Variants in ICE1 observed in about 807,000 individuals in gnomAD.
The protein encoded by ICE1 is interactor of little elongation complex ELL subunit 1.
A neutral mutation model predicts 192.7 loss-of-function variants in ICE1; 64 were observed. That is an observed-to-expected ratio of 0.33 (90% confidence interval 0.27 to 0.41). The LOEUF is 0.41. ICE1 is among the 10% of genes least tolerant of loss of function. ICE1 has a pLI of 1.00. For synonymous variants in ICE1, 1,010 were observed against 984.5 expected (o/e 1.03, Z -0.49); for missense variants, 2,708 against 2,696.0 (o/e 1.00, Z -0.10).
At chr5:5,479,309 A>G (rs1739429533) in intron 17 of ICE1, among the ~76,000 whole-genome samples, 1 of 152,250 alleles carries the variant, frequency 6.6e-6, no homozygotes, top group South Asian at 2.1e-4. Context: ...TTCTCAAAAG[A>G]AGACATTTAT....
chr5:5,443,315 G>GT, intron 6 of ICE1, 71 bp downstream of exon 6: 1 of 828,222 alleles, frequency 1.2e-6, no homozygotes, highest in Non-Finnish European at 1.8e-6. Flanking sequence ...TAAGTCGGTA[G>GT]TGTTTTTTTT....
intron 1 of ICE1, among the ~76,000 whole-genome samples, chr5:5,433,884 C>T (rs1457225476): frequency 6.6e-6 from 1 of 151,766 alleles, no homozygotes; most frequent in Non-Finnish European, 1.5e-5. Flanking sequence ...GGAAAGGCAT[C>T]CTAGTAATTT....
intron 5 of ICE1, among the ~76,000 whole-genome samples, chr5:5,442,375 A>G (rs887525380): frequency 3.3e-5 from 5 of 152,194 alleles, no homozygotes; most frequent in Non-Finnish European, 7.3e-5. Context: ...TTAATAGTAC[A>G]TACTTATTTT....
At chr5:5,470,448 A>G (rs1739128605) in intron 15 of ICE1, among the ~76,000 whole-genome samples, 1 of 152,248 alleles carries the variant, frequency 6.6e-6, no homozygotes, top group Admixed American at 6.5e-5. Flanking sequence ...TAGTAAATGT[A>G]TTTGCTAAAT....
At chr5:5,448,212 T>C (rs1554014034) in intron 10 of ICE1, among the ~76,000 whole-genome samples, 1 of 152,208 alleles carries the variant, frequency 6.6e-6, no homozygotes, top group Non-Finnish European at 1.5e-5. Context: ...ATCAAATTAA[T>C]TTATTAAATT....
chr5:5,440,989 A>G (rs1004181215), intron 4 of ICE1, 123 bp from the exon 5 acceptor site: 5 of 619,354 alleles, frequency 8.1e-6, no homozygotes, highest in Non-Finnish European at 1.4e-5. Context: ...AAGTGCATTT[A>G]AAAAGACTTT....
intron 18 of ICE1, among the ~76,000 whole-genome samples, chr5:5,487,734 C>T (rs1277837510): frequency 1.3e-5 from 2 of 152,212 alleles, no homozygotes; most frequent in Non-Finnish European, 2.9e-5. Flanking sequence ...ATGCAGTTTA[C>T]TCTGATACTA....
intron 11 of ICE1, among the ~76,000 whole-genome samples, chr5:5,455,220 A>G (rs1253411186): frequency 6.6e-6 from 1 of 152,214 alleles, no homozygotes; most frequent in Non-Finnish European, 1.5e-5. Flanking sequence ...GGAAACCTCC[A>G]CCTTATTTTC....
At chr5:5,446,095 G>A (rs1428188435) in intron 7 of ICE1, among the ~76,000 whole-genome samples, 2 of 151,998 alleles carry the variant, frequency 1.3e-5, no homozygotes, top group African/African-American at 4.8e-5. Context: ...ATAGCTCATG[G>A]TAACTCTGCC....
chr5:5,463,113 C>G lies in ICE1; in HGVS notation c.3779C>G (p.Ser1260Cys). 1 of 1,613,060 alleles carries G rather than the reference C, an allele frequency of 6.2e-7. No individual in the cohort carries two copies. The highest frequency in any genetic ancestry group is 8.5e-7 in the Non-Finnish European group (1 of 1,179,502). The change falls in exon 13 of 19, where the codon TCT becomes TGT. Residue 1260 changes from serine to cysteine, a missense_variant. Around this residue, in one of 2 missense-constraint regions of ICE1, gnomAD observed 2,366 missense variants for 2,276.6 expected, o/e 1.04. Coordinates refer to ENST00000296564, the MANE Select transcript of ICE1 (RefSeq NM_015325.3). ...ACTCAGTGTTCTTTGGAAACTCTGT[C>G]TGAGGTTCTGACCAAGATTAGGCAA... ...QLTQCSLETL[S>C]EVLTKIRQEL...
intron 17 of ICE1, among the ~76,000 whole-genome samples, chr5:5,479,854 A>G (rs537527332): frequency 6.6e-6 from 1 of 152,158 alleles, no homozygotes; most frequent in East Asian, 1.9e-4. Context: ...AAACCCAAGC[A>G]CTGCATGTTC....
At chr5:5,430,939 A>G (rs1253605068) in intron 1 of ICE1, among the ~76,000 whole-genome samples, 6 of 152,218 alleles carry the variant, frequency 3.9e-5, no homozygotes, top group South Asian at 2.1e-4. Context: ...AACACTTTAT[A>G]TGGTGCATCT....
intron 16 of ICE1, among the ~76,000 whole-genome samples, chr5:5,475,648 T>C (rs751603581): frequency 6.6e-6 from 1 of 152,222 alleles, no homozygotes; most frequent in African/African-American, 2.4e-5. Context: ...CTTTTGCACC[T>C]GGAGAGTCCA....
chr5:5,431,954 C>T (rs1423538927), intron 1 of ICE1, among the ~76,000 whole-genome samples: 1 of 151,330 alleles, frequency 6.6e-6, no homozygotes, highest in Non-Finnish European at 1.5e-5. Context: ...TTCCTTCTTT[C>T]TCGTGTCTGG....
chr5:5,442,869 GAATTTT>G (rs1277025286), intron 5 of ICE1, among the ~76,000 whole-genome samples: 1 of 152,052 alleles, frequency 6.6e-6, no homozygotes, highest in Non-Finnish European at 1.5e-5. Flanking sequence ...AGGATATGTT[GAATTTT>G]AATTAGTTGA....
intron 11 of ICE1, among the ~76,000 whole-genome samples, chr5:5,455,283 TTCTTAC>T (rs959993994): frequency 2.0e-5 from 3 of 152,196 alleles, no homozygotes; most frequent in Admixed American, 1.3e-4. Context: ...AAGTTACTGA[TTCTTAC>T]TTATGGTGGA....
intron 1 of ICE1, among the ~76,000 whole-genome samples, chr5:5,427,772 G>C (rs973695927): frequency 6.6e-6 from 1 of 152,190 alleles, no homozygotes; most frequent in Non-Finnish European, 1.5e-5. Context: ...ATGTATATAT[G>C]ATGCTATCCT....
chr5:5,433,255 G>A (rs1737776620), intron 1 of ICE1, among the ~76,000 whole-genome samples: 1 of 152,156 alleles, frequency 6.6e-6, no homozygotes. Flanking sequence ...CTGCTGGATG[G>A]GGGAGGAGTG....
At chr5:5,483,174 T>G (rs1278736935) in intron 17 of ICE1, among the ~76,000 whole-genome samples, 13 of 152,154 alleles carry the variant, frequency 8.5e-5, no homozygotes, top group African/African-American at 1.4e-4. Flanking sequence ...GTTGTTTTTT[T>G]TAGTAGAGAC....
Sources: gnomAD v4.1 joint callset for allele counts (sites outside exome capture counted in the v4.1 genomes callset) on GRCh38, gnomAD v4.1.1 for gene constraint, gnomAD v4.1.1 regional missense constraint, MANE v1.5 for transcripts, NCBI Gene and HGNC (gene_info 2026-07-23, HGNC 2026-07-21) for gene names.